The following CSMD1 variants were observed in gnomAD, a reference collection of about 807,000 sequenced individuals.
The protein encoded by CSMD1 is CUB and sushi domain-containing protein 1.
CSMD1 carries 213 observed loss-of-function variants against 417.5 expected under a neutral mutation model. The observed-to-expected ratio is 0.51, with a 90% CI of 0.46 to 0.57. The LOEUF (loss-of-function observed/expected upper bound fraction) is 0.57. Ranked by LOEUF, CSMD1 falls within the 20% of genes least tolerant of loss-of-function variation. CSMD1 has a pLI of 0.00. For missense variants in CSMD1, 6,923 were observed against 4,529.7 expected (o/e 1.53, Z -15.17); for synonymous variants, 2,862 against 1,736.8 (o/e 1.65, Z -16.11).
At chr8:3,306,635 G>C (rs911972910) in intron 25 of CSMD1, among the ~76,000 whole-genome samples, 2 of 151,774 alleles carry the variant, frequency 1.3e-5, no homozygotes, top group Non-Finnish European at 1.5e-5. Context: ...AGCAAATTTT[G>C]TACAGAAAAT....
chr8:4,364,167 T>C (rs1452650107), intron 3 of CSMD1, among the ~76,000 whole-genome samples: 1 of 152,172 alleles, frequency 6.6e-6, no homozygotes, highest in Non-Finnish European at 1.5e-5. Flanking sequence ...CATAAATATA[T>C]ATACCTACTA....
chr8:3,798,573 C>T (rs377288033), intron 5 of CSMD1, among the ~76,000 whole-genome samples: 1 of 151,980 alleles, frequency 6.6e-6, no homozygotes, highest in Non-Finnish European at 1.5e-5. Flanking sequence ...GAGGTGATTG[C>T]AATGAAAAGG....
chr8:4,373,259 G>C (rs1176056128), intron 3 of CSMD1, among the ~76,000 whole-genome samples: 1 of 152,172 alleles, frequency 6.6e-6, no homozygotes, highest in East Asian at 1.9e-4. Context: ...ACGAAGGTAT[G>C]ATAAGTAAAT....
At chr8:4,102,428 C>G (rs1013048396) in intron 3 of CSMD1, among the ~76,000 whole-genome samples, 1 of 152,132 alleles carries the variant, frequency 6.6e-6, no homozygotes, top group African/African-American at 2.4e-5. Flanking sequence ...CTGATTCTGT[C>G]ATAATAGATT....
At chr8:3,751,996 T>C (rs1563340637) in intron 6 of CSMD1, among the ~76,000 whole-genome samples, 1 of 152,180 alleles carries the variant, frequency 6.6e-6, no homozygotes, top group African/African-American at 2.4e-5. Context: ...GACATATCCA[T>C]AGATAAGGAT....
At chr8:3,999,275 G>A (rs535262553) in intron 4 of CSMD1, among the ~76,000 whole-genome samples, 1 of 152,026 alleles carries the variant, frequency 6.6e-6, no homozygotes, top group Non-Finnish European at 1.5e-5. Flanking sequence ...CCAAGATGGG[G>A]GGAGTTTGCT....
intron 23 of CSMD1, among the ~76,000 whole-genome samples, chr8:3,311,384 G>C (rs1007543886): frequency 6.6e-6 from 1 of 151,974 alleles, no homozygotes; most frequent in African/African-American, 2.4e-5. Flanking sequence ...TGAATAGCTG[G>C]GACTATAAGT....
intron 3 of CSMD1, among the ~76,000 whole-genome samples, chr8:4,237,037 G>A (rs562205853): frequency 6.6e-6 from 1 of 152,142 alleles, no homozygotes; most frequent in African/African-American, 2.4e-5. Flanking sequence ...GGATATATGT[G>A]TTGCCATGGA....
chr8:4,895,128 A>T (rs1804391238), intron 1 of CSMD1, among the ~76,000 whole-genome samples: 1 of 152,192 alleles, frequency 6.6e-6, no homozygotes, highest in Non-Finnish European at 1.5e-5. Flanking sequence ...TCACTCAAAA[A>T]TACATTTGAT....
intron 1 of CSMD1, among the ~76,000 whole-genome samples, chr8:4,729,638 C>G (rs1205748799): frequency 6.6e-6 from 1 of 152,150 alleles, no homozygotes; most frequent in African/African-American, 2.4e-5. Context: ...GGGGGGAATG[C>G]AAACTTTGCA....
chr8:4,811,015 T>C (rs1798867868), intron 1 of CSMD1, among the ~76,000 whole-genome samples: 1 of 152,188 alleles, frequency 6.6e-6, no homozygotes, highest in Non-Finnish European at 1.5e-5. Flanking sequence ...TTCTGTACTA[T>C]TCCACCCAGT....
intron 5 of CSMD1, among the ~76,000 whole-genome samples, chr8:3,770,727 C>G (rs919947369): frequency 6.6e-6 from 1 of 152,092 alleles, no homozygotes; most frequent in Non-Finnish European, 1.5e-5. Context: ...GATGGTAGCT[C>G]TCTTTCCCTT....
chr8:4,353,493 G>T (rs557274260), intron 3 of CSMD1, among the ~76,000 whole-genome samples: 3 of 151,974 alleles, frequency 2.0e-5, no homozygotes, highest in African/African-American at 4.8e-5. Flanking sequence ...AATTAAAATT[G>T]GTCAAATGAA....
chr8:4,275,678 G>A (rs1434064573), intron 3 of CSMD1, among the ~76,000 whole-genome samples: 2 of 152,110 alleles, frequency 1.3e-5, no homozygotes, highest in African/African-American at 4.8e-5. Flanking sequence ...TATACGTTTT[G>A]CAAAGCTTGT....
chr8:4,084,043 T>C (rs985795481), intron 3 of CSMD1, among the ~76,000 whole-genome samples: 1 of 152,106 alleles, frequency 6.6e-6, no homozygotes, highest in Non-Finnish European at 1.5e-5. Flanking sequence ...AAAACCCTTT[T>C]AAAATTAGTA....
rs1401358317 is a variant in CSMD1, at chr8:3,099,903, A to C, written c.6950-2866T>G. Among the ~76,000 whole-genome samples the C allele has an allele frequency of 2.0e-5, 3 of 152,328 alleles. No homozygotes were observed. The East Asian group carries it at 5.8e-4, about 29-fold the overall frequency. ...CAAAGAGGTAGCAGATAATTTGTAG[A>C]GAATTTGTACCATTTTTCATTTGTA... On this transcript the variant is annotated intron_variant, in intron 46 of 69. Coordinates refer to ENST00000635120, the MANE Select transcript of CSMD1 (RefSeq NM_033225.6).
intron 5 of CSMD1, among the ~76,000 whole-genome samples, chr8:3,956,985 G>A (rs1020997344): frequency 2.0e-5 from 3 of 152,004 alleles, no homozygotes; most frequent in Non-Finnish European, 4.4e-5. Context: ...TTTTTCTTGT[G>A]GGCCCTAAAA....
At chr8:4,500,647 A>T (rs1308781165) in intron 2 of CSMD1, among the ~76,000 whole-genome samples, 1 of 152,064 alleles carries the variant, frequency 6.6e-6, no homozygotes, top group Non-Finnish European at 1.5e-5. Flanking sequence ...CGAAAGTGAG[A>T]GGTGTTAGTA....
intron 1 of CSMD1, among the ~76,000 whole-genome samples, chr8:4,966,460 A>C (rs115125753): frequency 2.6e-5 from 4 of 152,060 alleles, no homozygotes; most frequent in Non-Finnish European, 5.9e-5. Flanking sequence ...GCTAATATCA[A>C]CCATCACTTC....
Sources: gnomAD v4.1 joint callset for allele counts (sites outside exome capture counted in the v4.1 genomes callset) on GRCh38, gnomAD v4.1.1 for gene constraint, MANE v1.5 for transcripts, NCBI Gene and HGNC (gene_info 2026-07-23, HGNC 2026-07-21) for gene names.